The following BOK variants were observed in gnomAD, a reference collection of about 807,000 sequenced individuals.
BOK encodes BCL2 family apoptosis regulator BOK.
BOK carries 20 observed loss-of-function variants against 18.3 expected under a neutral mutation model. The ratio of observed to expected loss-of-function variants is 1.09; its 90% confidence interval spans 0.77 to 1.59. BOK has a LOEUF of 1.59. BOK is among the 40% of genes most tolerant of loss of function. The probability of loss-of-function intolerance (pLI) is 0.00; values close to 1 mark genes in which losing one functional copy is unlikely to be tolerated. For synonymous variants in BOK, 173 were observed against 142.4 expected, an observed-to-expected ratio of 1.21 and a Z score of -1.53; for missense variants, 348 against 307.9, an observed-to-expected ratio of 1.13 and a Z score of -0.97.
At chr2:241,565,199 C>T (rs1259757895) in intron 3 of BOK, among the ~76,000 whole-genome samples, 1 of 152,100 alleles carries the variant, frequency 6.6e-6, no homozygotes, top group East Asian at 1.9e-4. Context: ...CCCCACCCAG[C>T]GCCCCAGGCT....
chr2:241,562,078 G>A lies in BOK; in HGVS notation c.221-270G>A, dbSNP rs1039475757. Among the ~76,000 whole-genome samples the A allele has an allele frequency of 3.3e-5, 5 of 152,258 alleles. No homozygotes were observed. Among genetic ancestry groups the A allele is most frequent in the African/African-American group, 7.2e-5 (3 of 41,472 alleles). On this transcript the variant is annotated intron_variant, in intron 2 of 4. Transcript: ENST00000318407. This position sits in a 1 kb window ranked among gnomAD's most constrained non-coding sequence, Gnocchi z 4.5. ...GGATTCCCGCCCCACCGGCTTGGCC[G>A]GCTAGGCTTAGGGGCTGGCTCGTCA...
intron 4 of BOK, among the ~76,000 whole-genome samples, chr2:241,571,085 G>A (rs927046869): frequency 7.3e-5 from 11 of 151,456 alleles, no homozygotes; most frequent in Admixed American, 6.6e-5. Context: ...GGGGAGATGG[G>A]TGAGGCAGGG....
At chr2:241,572,255 G>T in intron 4 of BOK, 42 bp from the exon 5 acceptor site, 1 of 1,597,864 alleles carries the variant, frequency 6.3e-7, no homozygotes, top group Non-Finnish European at 8.5e-7. Flanking sequence ...GGGCCTGGCG[G>T]TGCTGGCTCT....
chr2:241,555,248 G>A (rs1333316278), upstream of BOK, among the ~76,000 whole-genome samples: 1 of 152,152 alleles, frequency 6.6e-6, no homozygotes. Context: ...GAGTGCAGTG[G>A]CTATTCACAG....
At chr2:241,553,890 A>AG (rs897371086), upstream of BOK, among the ~76,000 whole-genome samples, 1 of 152,124 alleles carries the variant, frequency 6.6e-6, no homozygotes, top group Non-Finnish European at 1.5e-5. Context: ...GGAGACAGGG[A>AG]GGGGGGCTCT....
chr2:241,564,897 C>G (rs550740851), intron 3 of BOK, among the ~76,000 whole-genome samples: 8 of 152,320 alleles, frequency 5.3e-5, no homozygotes, highest in South Asian at 4.1e-4. Flanking sequence ...GGCGCCTCCC[C>G]CTTCGGCAGG....
chr2:241,572,225 G>GGGGGGCCTGGCGGTGCT (rs1015497085), intron 4 of BOK, 72 bp from the exon 5 acceptor site: 45 of 1,582,370 alleles, frequency 2.8e-5, no homozygotes, highest in Middle Eastern at 1.7e-4. Flanking sequence ...GCACGGTGCT[G>GGGGGGCCTGGCGGTGCT]GGGGGCCTGG....
In BOK at chr2:241,562,154, T is replaced by C. The variant is rs371215618; in HGVS notation, c.221-194T>C. 1.3e-5 allele frequency among the ~76,000 whole-genome samples: 2 copies of C among 152,314 alleles called. No homozygotes were observed. Among genetic ancestry groups the C allele is most frequent in the East Asian group, 3.9e-4 (2 of 5,174 alleles). On this transcript the variant is annotated intron_variant, in intron 2 of 4. Coordinates refer to ENST00000318407, the MANE Select transcript of BOK (RefSeq NM_032515.5). The surrounding 1 kb of genome is among the most constrained non-coding windows in gnomAD (Gnocchi z 4.5). ...AGTACTTCCTTGGTCTTCTGGTCCC[T>C]AGGGGCCAAGGTTGGGGGATGGCCC...
intron 3 of BOK, among the ~76,000 whole-genome samples, chr2:241,564,598 A>C (rs572722400): frequency 5.4e-4 from 82 of 152,200 alleles, no homozygotes; most frequent in African/African-American, 1.8e-3. Context: ...GGTTCACGGC[A>C]CAGTGGGCAG....
intron 3 of BOK, among the ~76,000 whole-genome samples, chr2:241,565,459 C>T (rs2125050668): frequency 6.6e-6 from 1 of 152,124 alleles, no homozygotes; most frequent in Admixed American, 6.5e-5. Context: ...CCATCCCAGT[C>T]CTCTTGGGCC....
At chr2:241,571,025 G>A (rs775008269) in intron 4 of BOK, among the ~76,000 whole-genome samples, 6 of 136,372 alleles carry the variant, frequency 4.4e-5, no homozygotes, top group Admixed American at 1.4e-4. Context: ...GTGCGAGGGT[G>A]CAGAGGTACG....
intron 3 of BOK, among the ~76,000 whole-genome samples, chr2:241,563,974 G>C (rs1031881751): frequency 9.2e-5 from 14 of 152,184 alleles, no homozygotes; most frequent in African/African-American, 3.4e-4. Flanking sequence ...CCGACCCCTG[G>C]TGGGCCAGCC....
At chr2:241,551,832 G>A (rs2066416386) in intron 1 of BOK, among the ~76,000 whole-genome samples, 3 of 152,116 alleles carry the variant, frequency 2.0e-5, no homozygotes, top group Non-Finnish European at 2.9e-5. Context: ...GGTGGGCTGG[G>A]ATGGTGGAGG....
chr2:241,553,585 C>A (rs1228402201), intron 1 of BOK, among the ~76,000 whole-genome samples: 1 of 152,144 alleles, frequency 6.6e-6, no homozygotes, highest in East Asian at 1.9e-4. Context: ...ACGTGTCTTA[C>A]GAGGCGGAAG....
At chr2:241,559,245 C>A (rs1234573675) in intron 1 of BOK, among the ~76,000 whole-genome samples, 1 of 151,770 alleles carries the variant, frequency 6.6e-6, no homozygotes, top group Non-Finnish European at 1.5e-5. Context: ...GCGGCCCCAC[C>A]GGTCCCTGGC....
Position 241,560,157 on chromosome 2 carries a change from C to G in BOK, c.220+454C>G, listed in dbSNP as rs1011282120. Reference sequence around the variant, plus strand: ...CCCCCCCATTGGAAACTGCGCCCACCGGGCTGGGTAGCCAAAACCTCAGTA... The same window carrying G: ...CCCCCCCATTGGAAACTGCGCCCACGGGGCTGGGTAGCCAAAACCTCAGTA... On this transcript the variant is annotated intron_variant, in intron 2 of 4. Coordinates refer to ENST00000318407, the MANE Select transcript of BOK (RefSeq NM_032515.5). 13 of 985,356 alleles carry G rather than the reference C, an allele frequency of 1.3e-5. No homozygotes were observed. The Admixed American group carries it at 6.1e-4, about 47-fold the overall frequency. 61.0% of individuals were successfully genotyped at this position (985,356 alleles called of 1,614,324 possible). A position where few individuals can be genotyped will look rare whatever the true frequency, so the allele number is the denominator to read the frequency against.
At chr2:241,565,820 G>C (rs1388099934) in intron 3 of BOK, among the ~76,000 whole-genome samples, 2 of 152,208 alleles carry the variant, frequency 1.3e-5, no homozygotes, top group Non-Finnish European at 2.9e-5. Flanking sequence ...GGGCTTCAAA[G>C]TTCCTGCTCA....
chr2:241,569,759 C>A (rs1415299366), intron 3 of BOK, among the ~76,000 whole-genome samples: 3 of 152,220 alleles, frequency 2.0e-5, no homozygotes, highest in African/African-American at 7.2e-5. Flanking sequence ...GCCTCAGCTT[C>A]TTTATGTGTA....
At chr2:241,560,205 C>G in intron 2 of BOK, 1 of 985,472 alleles carries the variant, frequency 1.0e-6, no homozygotes. Context: ...GTGAGGACAT[C>G]TGGGGGTGCT....
Sources: allele counts gnomAD v4.1 joint callset (sites outside exome capture counted in the v4.1 genomes callset), GRCh38; gene constraint gnomAD v4.1.1; non-coding constraint Gnocchi (gnomAD v3.1); transcripts MANE v1.5; gene names NCBI Gene and HGNC (gene_info 2026-07-23, HGNC 2026-07-21).